Variants in PMM2 observed in about 807,000 individuals in gnomAD.
The protein encoded by PMM2 is phosphomannomutase 2, also known as mannose-6-phosphate isomerase.
A neutral mutation model predicts 33.2 loss-of-function variants in PMM2; 35 were observed. The ratio of observed to expected loss-of-function variants is 1.06; its 90% CI spans 0.81 to 1.40. PMM2 has a LOEUF of 1.40. PMM2 is among the 40% of genes most tolerant of loss of function. The pLI, the probability that PMM2 is intolerant of heterozygous loss-of-function variation, is 0.00. For synonymous variants in PMM2, 153 were observed against 114.7 expected, an observed-to-expected ratio of 1.33 and a Z score of -2.13; for missense variants, 386 against 306.0, an observed-to-expected ratio of 1.26 and a Z score of -1.95.
chr16:8,813,796 C>T (rs913633323), intron 7 of PMM2, among the ~76,000 whole-genome samples: 1 of 151,626 alleles, frequency 6.6e-6, no homozygotes, highest in Non-Finnish European at 1.5e-5. Flanking sequence ...GCGTTGCTGC[C>T]ATCAAAGGCC....
At chr16:8,835,065 A>G (rs1336156429) in intron 7 of PMM2, among the ~76,000 whole-genome samples, 1 of 148,846 alleles carries the variant, frequency 6.7e-6, no homozygotes, top group African/African-American at 2.5e-5. Context: ...AGTTGAGCAT[A>G]GTTTGTGATT....
At chr16:8,833,111 T>G (rs529976414) in intron 7 of PMM2, among the ~76,000 whole-genome samples, 26 of 152,318 alleles carry the variant, frequency 1.7e-4, no homozygotes, top group Non-Finnish European at 2.9e-4. Context: ...TTTTTTCACC[T>G]GGGTGCAGGC....
chr16:8,832,666 T>C, intron 7 of PMM2: 1 of 985,450 alleles, frequency 1.0e-6, no homozygotes, highest in Non-Finnish European at 1.2e-6. Flanking sequence ...AATTGCGTCC[T>C]CACCCCGCAC....
chr16:8,802,119 G>A, intron 2 of PMM2: 1 of 555,164 alleles, frequency 1.8e-6, no homozygotes, highest in Non-Finnish European at 3.4e-6. Flanking sequence ...TGGGTACTCA[G>A]ATGTGTGAGT....
intron 4 of PMM2, chr16:8,806,712 C>G (rs2060650382): frequency 4.6e-6 from 2 of 435,290 alleles, no homozygotes. Context: ...AAACAGTCCA[C>G]AAAGCCAACA....
At chr16:8,838,588 G>C (rs962599601) in intron 7 of PMM2, among the ~76,000 whole-genome samples, 3 of 151,932 alleles carry the variant, frequency 2.0e-5, no homozygotes, top group Non-Finnish European at 2.9e-5. Flanking sequence ...GTGGTAAGGG[G>C]TGATATTGTG....
intron 2 of PMM2, among the ~76,000 whole-genome samples, chr16:8,803,973 C>T (rs946928325): frequency 2.7e-5 from 4 of 148,906 alleles, no homozygotes; most frequent in East Asian, 2.0e-4. Flanking sequence ...CATGAGTCAC[C>T]GTGCCTGGCC....
intron 7 of PMM2, among the ~76,000 whole-genome samples, chr16:8,820,351 CTTTTT>C (rs545958069): frequency 7.5e-6 from 1 of 133,168 alleles, no homozygotes; most frequent in Admixed American, 7.5e-5. Context: ...CACAGTTCTT[CTTTTT>C]TTTTTTTTTT....
intron 7 of PMM2, among the ~76,000 whole-genome samples, chr16:8,824,887 C>A (rs1350872012): frequency 1.3e-5 from 2 of 150,926 alleles, no homozygotes; most frequent in African/African-American, 5.0e-5. Flanking sequence ...CTGAATCTTT[C>A]TTTTATTTTT....
rs755402538 is a variant in PMM2, at chr16:8,801,856, G to A, written c.124G>A (p.Gly42Arg). 1.6e-5 allele frequency: 25 copies of A among 1,612,194 alleles called. No homozygotes were observed. The highest frequency in any genetic ancestry group is 2.0e-5 in the Non-Finnish European group (23 of 1,178,814). Reference protein sequence around the residue: ...LQKLRQKIKIGVVGGSDFEKV... With the variant: ...LQKLRQKIKIRVVGGSDFEKV... ...AAAATTGAGGCAGAAGATCAAAATC[G>A]GAGTGGTAGGCGGATCGGACTTTGA... The change falls in exon 2 of 8, where the codon GGA becomes AGA. Residue 42 changes from glycine (G) to arginine (R), a missense_variant. Gly to Arg is a moderately radical substitution (Grantham distance 125, BLOSUM62 -2). Transcript: ENST00000268261.
At chr16:8,840,806 G>T (rs532681067) in intron 7 of PMM2, among the ~76,000 whole-genome samples, 11 of 152,074 alleles carry the variant, frequency 7.2e-5, no homozygotes, top group Non-Finnish European at 1.5e-4. Context: ...CGAGGTTGTA[G>T]AGTTTGAGGA....
chr16:8,816,632 T>G (rs2060710123), intron 7 of PMM2, among the ~76,000 whole-genome samples: 1 of 151,926 alleles, frequency 6.6e-6, no homozygotes, highest in Non-Finnish European at 1.5e-5. Flanking sequence ...TCCCAGCTAC[T>G]TGGGAGGCTG....
chr16:8,827,763 C>CTTAT (rs2060780177), intron 7 of PMM2, among the ~76,000 whole-genome samples: 1 of 49,286 alleles, frequency 2.0e-5, no homozygotes, highest in Non-Finnish European at 3.8e-5. Flanking sequence ...TATATATATG[C>CTTAT]ACACATTTAT....
At chr16:8,804,021 GGTTTTTTTTGTTTTT>G (rs2060630673) in intron 2 of PMM2, among the ~76,000 whole-genome samples, 1 of 72,574 alleles carries the variant, frequency 1.4e-5, no homozygotes, top group African/African-American at 4.9e-5. Context: ...TTGTTTTTTG[GGTTTTTTTTGTTTTT>G]TTTTTTTTTT....
chr16:8,811,812 G>T, intron 6 of PMM2, 99 bp downstream of exon 6: 2 of 844,288 alleles, frequency 2.4e-6, no homozygotes, highest in Non-Finnish European at 4.1e-6. Flanking sequence ...TGCAGTTTTA[G>T]GTGGGCAGGA....
intron 7 of PMM2, chr16:8,832,845 C>T (rs1014800738): frequency 7.1e-6 from 7 of 985,282 alleles, no homozygotes; most frequent in South Asian, 9.4e-5. Flanking sequence ...CTCTGATGGC[C>T]ACATGGCCTG....
chr16:8,818,050 C>G (rs993324735), intron 7 of PMM2, among the ~76,000 whole-genome samples: 1 of 151,976 alleles, frequency 6.6e-6, no homozygotes, highest in Non-Finnish European at 1.5e-5. Context: ...ACTATAGGTG[C>G]CCACCACCAC....
At position 8,847,898 on chromosome 16, in the gene PMM2, C is replaced by T; in HGVS notation, c.*73C>T. The T allele has an allele frequency of 6.0e-6, 7 of 1,162,742 alleles. No individual in the cohort carries two copies. Among genetic ancestry groups the T allele is most frequent in the South Asian group, 1.2e-5 (1 of 81,276 alleles). 72.0% of individuals were successfully genotyped at this position (1,162,742 alleles called of 1,614,324 possible). ...CATTCGGTGGCCAGAGCCGAGGGTC[C>T]TCCCACACGTGCTCACCCACCCGCA... On this transcript the variant is annotated 3_prime_UTR_variant, in exon 8 of 8. Coordinates refer to ENST00000268261, the MANE Select transcript of PMM2 (RefSeq NM_000303.3).
chr16:8,799,733 A>T (rs2060601821), intron 1 of PMM2, among the ~76,000 whole-genome samples: 1 of 152,020 alleles, frequency 6.6e-6, no homozygotes, highest in South Asian at 2.1e-4. Flanking sequence ...TTTTTAGTAG[A>T]GATGGGGTTT....
Sources: allele counts gnomAD v4.1 joint callset (sites outside exome capture counted in the v4.1 genomes callset), GRCh38; gene constraint gnomAD v4.1.1; transcripts MANE v1.5; gene names NCBI Gene and HGNC (gene_info 2026-07-23, HGNC 2026-07-21).